The following RCAN1 variants were observed in gnomAD, a reference collection of about 807,000 sequenced individuals.
RCAN1 encodes the protein calcipressin-1.
RCAN1 carries 11 observed loss-of-function variants against 22.9 expected under a neutral mutation model. That is an observed-to-expected ratio of 0.48 (90% CI 0.30 to 0.79). The LOEUF is 0.79. Ranked by LOEUF, RCAN1 falls within the 30% of genes least tolerant of loss-of-function variation. The pLI, the probability that RCAN1 is intolerant of heterozygous loss-of-function variation, is 0.06. For synonymous variants in RCAN1, 136 were observed against 142.3 expected (o/e 0.96, Z 0.32); for missense variants, 291 against 337.8 (o/e 0.86, Z 1.09).
chr21:34,592,708 T>C (rs1988014547), intron 1 of RCAN1, among the ~76,000 whole-genome samples: 1 of 151,514 alleles, frequency 6.6e-6, no homozygotes, highest in Non-Finnish European at 1.5e-5. Flanking sequence ...CAGAACCCAA[T>C]CATCTGTTTC....
At chr21:34,587,095 G>A (rs937298414) in intron 1 of RCAN1, among the ~76,000 whole-genome samples, 4 of 152,182 alleles carry the variant, frequency 2.6e-5, no homozygotes, top group African/African-American at 9.6e-5. Flanking sequence ...GAAGAAAAGA[G>A]CACAAATTGT....
At chr21:34,610,187 T>C (rs1428247636) in intron 1 of RCAN1, among the ~76,000 whole-genome samples, 1 of 152,160 alleles carries the variant, frequency 6.6e-6, no homozygotes, top group Admixed American at 6.5e-5. Flanking sequence ...CAGCCAAGTA[T>C]ATACAACCTC....
At chr21:34,563,548 T>A (rs1184650672) in intron 1 of RCAN1, among the ~76,000 whole-genome samples, 1 of 151,826 alleles carries the variant, frequency 6.6e-6, no homozygotes, top group African/African-American at 2.4e-5. Context: ...AGAACTGCAT[T>A]GAACTTAGCA....
chr21:34,595,194 A>C (rs1329510620), intron 1 of RCAN1, among the ~76,000 whole-genome samples: 1 of 152,208 alleles, frequency 6.6e-6, no homozygotes, highest in African/African-American at 2.4e-5. Flanking sequence ...GCATTTCCTT[A>C]CACACACACC....
chr21:34,587,955 A>G (rs80076609), intron 1 of RCAN1, among the ~76,000 whole-genome samples: 2,232 of 152,316 alleles, frequency 0.015, 50 homozygotes, highest in East Asian at 0.091. Context: ...CTACCCCAAG[A>G]AAGAAGGAAT....
rs569811862 is a variant in RCAN1, at chr21:34,540,410, C to G, written c.253-16700G>C. Among the ~76,000 whole-genome samples the G allele has an allele frequency of 2.0e-5, 3 of 152,252 alleles. No individual in the cohort carries two copies. The East Asian group carries it at 5.8e-4, about 29-fold the overall frequency. On this transcript the variant is annotated intron_variant, in intron 1 of 3. Transcript: ENST00000313806. Reference sequence around the variant, plus strand: ...TGCATGGACTGACTGGGATTAAGGGCAGACTTCCAAGAAATCACTCATGTC... The same window carrying G: ...TGCATGGACTGACTGGGATTAAGGGGAGACTTCCAAGAAATCACTCATGTC...
chr21:34,528,734 C>T (rs773756504), intron 1 of RCAN1, among the ~76,000 whole-genome samples: 9 of 152,178 alleles, frequency 5.9e-5, no homozygotes, highest in Non-Finnish European at 1.0e-4. Context: ...TTTCTCTTCT[C>T]CTGGCATGCA....
chr21:34,610,341 G>A (rs1350391456), intron 1 of RCAN1, among the ~76,000 whole-genome samples: 1 of 152,166 alleles, frequency 6.6e-6, no homozygotes, highest in Non-Finnish European at 1.5e-5. Context: ...GGTGGAGAGT[G>A]AGCAGCACCC....
intron 1 of RCAN1, among the ~76,000 whole-genome samples, chr21:34,539,674 G>A (rs995366816): frequency 1.3e-5 from 2 of 152,174 alleles, no homozygotes; most frequent in East Asian, 3.9e-4. Flanking sequence ...AGAGAAAATC[G>A]ACTTTGCCTG....
intron 1 of RCAN1, chr21:34,613,697 G>T: frequency 7.2e-7 from 1 of 1,386,948 alleles, no homozygotes; most frequent in Non-Finnish European, 9.5e-7. Context: ...GCTCTAGAAA[G>T]CATGCCTGGA....
chr21:34,538,345 C>T (rs7275492), intron 1 of RCAN1, among the ~76,000 whole-genome samples: 36,317 of 151,928 alleles, frequency 0.24, 5,036 homozygotes, highest in African/African-American at 0.38. Context: ...GCCTGTTTCA[C>T]CCATTTAAGA....
In RCAN1 at chr21:34,523,582, A is replaced by G; in HGVS notation, c.381T>C (p.His127=). The G allele has an allele frequency of 6.2e-7, 1 of 1,614,194 alleles. No individual in the cohort carries two copies. Residue 127 remains histidine (H), a synonymous_variant, in exon 2 of 4, where the codon CAT becomes CAC. Coordinates refer to ENST00000313806, the MANE Select transcript of RCAN1 (RefSeq NM_004414.7). ...TTTCCTTTCCCAGAAACTCAGTCTT[A>G]TGCAGCTGGAGCCTGGCATCTGCTG... is the stretch of plus-strand genomic sequence containing the variant. ...FSAADARLQL[H]KTEFLGKEMK...
At chr21:34,594,100 T>A (rs748686017) in intron 1 of RCAN1, among the ~76,000 whole-genome samples, 1 of 152,112 alleles carries the variant, frequency 6.6e-6, no homozygotes, top group Non-Finnish European at 1.5e-5. Context: ...ACCCTTGAGT[T>A]AGAAAGCAGA....
At chr21:34,609,279 G>A (rs556252963) in intron 1 of RCAN1, among the ~76,000 whole-genome samples, 1 of 152,220 alleles carries the variant, frequency 6.6e-6, no homozygotes, top group East Asian at 1.9e-4. Flanking sequence ...CTTTGATGGT[G>A]ATTAGTATTT....
intron 1 of RCAN1, among the ~76,000 whole-genome samples, chr21:34,602,646 C>T (rs1289650869): frequency 1.3e-5 from 2 of 152,252 alleles, no homozygotes; most frequent in South Asian, 4.2e-4. Context: ...GTGACTCCAG[C>T]CCAGAACACT....
intron 1 of RCAN1, among the ~76,000 whole-genome samples, chr21:34,582,997 G>T (rs2123699694): frequency 6.6e-6 from 1 of 152,138 alleles, no homozygotes; most frequent in Admixed American, 6.5e-5. Flanking sequence ...GGTTGTTTTA[G>T]GAACAACAGT....
rs1447845271 is a variant in RCAN1 at position 34,589,288 on chromosome 21, G to A, written c.252+25472C>T. On this transcript the variant is annotated intron_variant, in intron 1 of 3. Transcript: ENST00000313806. Reference sequence around the variant, plus strand: ...TATTTAATTGTAGATCCATTAAATGGGGTCTCCCACTGCTTTTCATTAGGC... The same window carrying A: ...TATTTAATTGTAGATCCATTAAATGAGGTCTCCCACTGCTTTTCATTAGGC... Among the ~76,000 whole-genome samples the A allele has an allele frequency of 2.6e-5, 4 of 152,078 alleles. No homozygotes were observed. The East Asian group carries it at 5.8e-4, about 22-fold the overall frequency.
intron 1 of RCAN1, among the ~76,000 whole-genome samples, chr21:34,587,188 T>C (rs1377715172): frequency 2.6e-5 from 4 of 152,170 alleles, no homozygotes; most frequent in African/African-American, 9.7e-5. Flanking sequence ...CCAATATATT[T>C]AAGATTTTAA....
intron 1 of RCAN1, among the ~76,000 whole-genome samples, chr21:34,534,855 G>C (rs1985595175): frequency 1.3e-5 from 2 of 152,208 alleles, no homozygotes; most frequent in Admixed American, 6.5e-5. Flanking sequence ...GGGCCTAGCA[G>C]GATGCCAGGC....
Sources: allele counts gnomAD v4.1 joint callset (sites outside exome capture counted in the v4.1 genomes callset), GRCh38; gene constraint gnomAD v4.1.1; transcripts MANE v1.5; gene names NCBI Gene and HGNC (gene_info 2026-07-23, HGNC 2026-07-21).